SORCS3: variants seen among roughly 807,000 people sequenced by gnomAD.
The protein encoded by SORCS3 is VPS10 domain-containing receptor SorCS3.
In SORCS3, 57 loss-of-function variants were observed where a neutral mutation model predicts 146.3. That is an observed-to-expected ratio of 0.39 (90% CI 0.31 to 0.49). SORCS3 has a LOEUF of 0.49. SORCS3 is among the 20% of genes least tolerant of loss of function. The probability of loss-of-function intolerance (pLI) is 0.92; values close to 1 mark genes in which losing one functional copy is unlikely to be tolerated. For synonymous variants in SORCS3, 653 were observed against 618.5 expected (o/e 1.06, Z -0.83); for missense variants, 1,341 against 1,575.5 (o/e 0.85, Z 2.52).
rs564503528 is a variant in SORCS3 at position 104,785,547 on chromosome 10, C to G, written c.628-57245C>G. 9.2e-3 allele frequency among the ~76,000 whole-genome samples: 1,214 copies of G among 131,756 alleles called. 17 individuals carry two copies. The highest frequency in any genetic ancestry group is 0.034 in the African/African-American group (1,151 of 34,080). The allele number at this position is 131,756 out of a possible 152,430, so 86.4% of individuals were successfully genotyped here. The stretch of plus-strand genomic sequence containing the variant: ...ATTGTCCAATGACCCTGCCAAATCC[C>G]CCTCTGTGAGAAACACCCAAGAATT... On this transcript the variant is annotated intron_variant, in intron 1 of 26. Transcript: ENST00000369701.
chr10:104,978,872 T>C (rs892913547), intron 4 of SORCS3, among the ~76,000 whole-genome samples: 2 of 152,210 alleles, frequency 1.3e-5, no homozygotes, highest in African/African-American at 4.8e-5. Flanking sequence ...CCCCAGTAGA[T>C]ATTACCAGCC....
intron 2 of SORCS3, among the ~76,000 whole-genome samples, chr10:104,868,842 TATC>T (rs1387459654): frequency 3.9e-5 from 6 of 152,326 alleles, no homozygotes; most frequent in African/African-American, 1.4e-4. Context: ...TGCTTGAAAA[TATC>T]ATATACCCAG....
chr10:105,056,754 AT>A (rs1354648586), intron 5 of SORCS3, among the ~76,000 whole-genome samples: 4 of 152,190 alleles, frequency 2.6e-5, no homozygotes, highest in Non-Finnish European at 4.4e-5. Flanking sequence ...CCAAATGTAC[AT>A]TTTTTGAAAC....
intron 9 of SORCS3, among the ~76,000 whole-genome samples, chr10:105,149,393 C>A (rs1418399249): frequency 6.6e-6 from 1 of 152,142 alleles, no homozygotes; most frequent in African/African-American, 2.4e-5. Flanking sequence ...TTCCCTTAAA[C>A]AACAAGGTCC....
Position 105,036,992 on chromosome 10 carries a change from CG to C in SORCS3, c.955-6059del, listed in dbSNP as rs1479217116. 2.0e-5 allele frequency among the ~76,000 whole-genome samples: 3 copies of C among 152,238 alleles called. No homozygotes were observed. The East Asian group carries it at 5.8e-4, about 30-fold the overall frequency. On this transcript the variant is annotated intron_variant, in intron 4 of 26. Transcript: ENST00000369701. ...TTTCAGCCCATCCTTTCACTTCTAC[CG>C]GGGAGATACCTTGGCTTAAGAGAAA...
chr10:104,744,036 A>C (rs2016880098), intron 1 of SORCS3, among the ~76,000 whole-genome samples: 1 of 152,194 alleles, frequency 6.6e-6, no homozygotes, highest in Non-Finnish European at 1.5e-5. Flanking sequence ...GATCTTCACA[A>C]CACTGTGAGA....
chr10:104,712,564 T>A (rs1248940940), intron 1 of SORCS3, among the ~76,000 whole-genome samples: 2 of 152,186 alleles, frequency 1.3e-5, no homozygotes, highest in Non-Finnish European at 2.9e-5. Flanking sequence ...ATTCCTTTCT[T>A]GTCATAGGTG....
At chr10:105,015,958 G>A (rs2055162925) in intron 4 of SORCS3, among the ~76,000 whole-genome samples, 1 of 151,242 alleles carries the variant, frequency 6.6e-6, no homozygotes, top group Non-Finnish European at 1.5e-5. Context: ...TCAAACTCCT[G>A]ACTTCGTGAT....
chr10:104,727,479 A>T (rs752917817), intron 1 of SORCS3, among the ~76,000 whole-genome samples: 1 of 151,748 alleles, frequency 6.6e-6, no homozygotes, highest in Non-Finnish European at 1.5e-5. Context: ...CCATGTCTTT[A>T]AAAAAAACTT....
At chr10:105,176,493 C>T (rs1399019772) in intron 13 of SORCS3, among the ~76,000 whole-genome samples, 2 of 152,030 alleles carry the variant, frequency 1.3e-5, no homozygotes, top group Non-Finnish European at 2.9e-5. Context: ...TTCAAGGCTG[C>T]AATGAGCTAT....
At chr10:104,706,747 A>G (rs564627140) in intron 1 of SORCS3, among the ~76,000 whole-genome samples, 45 of 152,342 alleles carry the variant, frequency 3.0e-4, no homozygotes, top group African/African-American at 1.0e-3. Context: ...ACATACACAT[A>G]TGTACATTTA....
chr10:105,190,261 C>A (rs1057021346), intron 14 of SORCS3, among the ~76,000 whole-genome samples: 2 of 152,298 alleles, frequency 1.3e-5, no homozygotes, highest in African/African-American at 4.8e-5. Flanking sequence ...TGCTGTGTAA[C>A]CTTGTCAGAT....
chr10:104,697,203 G>A (rs892030575), intron 1 of SORCS3, among the ~76,000 whole-genome samples: 4 of 152,246 alleles, frequency 2.6e-5, no homozygotes, highest in African/African-American at 7.2e-5. Context: ...GTTTCTAGCT[G>A]TTTGATGTTG....
chr10:104,706,504 G>T (rs1412868236), intron 1 of SORCS3, among the ~76,000 whole-genome samples: 1 of 152,126 alleles, frequency 6.6e-6, no homozygotes, highest in East Asian at 1.9e-4. Flanking sequence ...ACTGTGCCCG[G>T]GCCAGAGACT....
intron 1 of SORCS3, among the ~76,000 whole-genome samples, chr10:104,667,469 A>G (rs1230601758): frequency 6.6e-6 from 1 of 152,218 alleles, no homozygotes; most frequent in Non-Finnish European, 1.5e-5. Context: ...CCTGTTTTAT[A>G]TCTTGGTTTA....
At chr10:105,027,892 G>A (rs1321220585) in intron 4 of SORCS3, among the ~76,000 whole-genome samples, 4 of 152,158 alleles carry the variant, frequency 2.6e-5, no homozygotes, top group Admixed American at 6.5e-5. Context: ...TTGGCCATGA[G>A]TTCAATGTTA....
Position 104,641,398 on chromosome 10 carries a change from T to C in SORCS3, c.71T>C (p.Leu24Pro). 1 of 1,459,368 alleles carries C rather than the reference T, an allele frequency of 6.9e-7. No homozygotes were observed. The highest frequency in any genetic ancestry group is 9.0e-7 in the Non-Finnish European group (1 of 1,111,392). 90.4% of individuals were successfully genotyped at this position (1,459,368 alleles called of 1,614,324 possible). Reference sequence around the variant, plus strand: ...CCGCTTGTCCGGACGGGGCTCCTACTCTTGTCGACGTGGGTCCTGGCCGGC... The same window carrying C: ...CCGCTTGTCCGGACGGGGCTCCTACCCTTGTCGACGTGGGTCCTGGCCGGC... ...GAPLVRTGLL[L>P]LSTWVLAGAE... Residue 24 changes from leucine to proline, a missense_variant, in exon 1 of 27, where the codon CTC becomes CCC. Leu to Pro is a moderately conservative substitution (Grantham distance 98). Coordinates refer to ENST00000369701, the MANE Select transcript of SORCS3 (RefSeq NM_014978.3). This position sits in a 1 kb window ranked among gnomAD's most constrained non-coding sequence, Gnocchi z 6.4.
At chr10:105,190,472 C>T (rs957000729) in intron 14 of SORCS3, among the ~76,000 whole-genome samples, 4 of 152,114 alleles carry the variant, frequency 2.6e-5, no homozygotes, top group African/African-American at 7.2e-5. Flanking sequence ...GATCTCAGCT[C>T]ACTGCAACCT....
intron 7 of SORCS3, among the ~76,000 whole-genome samples, chr10:105,106,197 T>C (rs703479): frequency 0.51 from 76,885 of 152,024 alleles, 19,679 homozygotes; most frequent in Middle Eastern, 0.54. Context: ...GGTATTTGAT[T>C]GCAACCTTGA....
Sources: gnomAD v4.1 joint callset for allele counts (sites outside exome capture counted in the v4.1 genomes callset) on GRCh38, gnomAD v4.1.1 for gene constraint, Gnocchi (gnomAD v3.1) non-coding constraint, MANE v1.5 for transcripts, NCBI Gene and HGNC (gene_info 2026-07-23, HGNC 2026-07-21) for gene names.